CNTNAP5: variants seen among roughly 807,000 people sequenced by gnomAD.
CNTNAP5 encodes the protein contactin-associated protein-like 5.
A neutral mutation model predicts 150.2 loss-of-function variants in CNTNAP5; 72 were observed. The observed-to-expected ratio is 0.48, with a 90% CI of 0.40 to 0.58. CNTNAP5 has a LOEUF of 0.58. Ranked by LOEUF, CNTNAP5 falls within the 20% of genes least tolerant of loss-of-function variation. The pLI is 0.00. For synonymous variants in CNTNAP5, 672 were observed against 619.8 expected, an observed-to-expected ratio of 1.08 and a Z score of -1.25; for missense variants, 1,636 against 1,626.2, an observed-to-expected ratio of 1.01 and a Z score of -0.10.
At chr2:124,570,701 C>T (rs755639090) in intron 11 of CNTNAP5, among the ~76,000 whole-genome samples, 10 of 151,986 alleles carry the variant, frequency 6.6e-5, no homozygotes, top group Non-Finnish European at 1.2e-4. Flanking sequence ...ATGCAATTTG[C>T]AATTTTGTGG....
chr2:124,865,483 T>G, intron 20 of CNTNAP5, 47 bp downstream of exon 20: 1 of 1,533,258 alleles, frequency 6.5e-7, no homozygotes, highest in South Asian at 1.2e-5. Context: ...CCTTGGCTAC[T>G]CTATCAAACT....
At chr2:124,416,229 G>A (rs907551760) in intron 3 of CNTNAP5, among the ~76,000 whole-genome samples, 22 of 152,268 alleles carry the variant, frequency 1.4e-4, no homozygotes, top group Non-Finnish European at 2.5e-4. Context: ...GGGAAGGTAA[G>A]AGAGAATTGA....
At chr2:124,225,363 G>A (rs1187433892) in intron 2 of CNTNAP5, among the ~76,000 whole-genome samples, 1 of 152,124 alleles carries the variant, frequency 6.6e-6, no homozygotes, top group Non-Finnish European at 1.5e-5. Flanking sequence ...AATCTGTGTA[G>A]TGCTATTGGC....
chr2:124,504,203 A>G, intron 7 of CNTNAP5, 89 bp from the exon 8 acceptor site: 1 of 1,297,892 alleles, frequency 7.7e-7, no homozygotes, highest in Non-Finnish European at 1.1e-6. Flanking sequence ...TCCTGAAATT[A>G]AGGTCAGCTC....
At chr2:124,669,983 T>C (rs1678776368) in intron 13 of CNTNAP5, among the ~76,000 whole-genome samples, 1 of 152,162 alleles carries the variant, frequency 6.6e-6, no homozygotes, top group African/African-American at 2.4e-5. Flanking sequence ...TCCTCCTGAC[T>C]TCAGTGATCC....
intron 4 of CNTNAP5, among the ~76,000 whole-genome samples, chr2:124,424,951 G>A (rs1692204331): frequency 6.6e-6 from 1 of 152,170 alleles, no homozygotes; most frequent in Admixed American, 6.5e-5. Context: ...TATGTGATTT[G>A]ACTGGCGATA....
At chr2:124,247,006 CT>C (rs1687046067) in intron 3 of CNTNAP5, among the ~76,000 whole-genome samples, 1 of 152,092 alleles carries the variant, frequency 6.6e-6, no homozygotes. Context: ...ACATGAAGGA[CT>C]TGCATTTGTT....
intron 1 of CNTNAP5, 63 bp from the exon 2 acceptor site, chr2:124,221,642 C>A: frequency 9.4e-7 from 1 of 1,068,680 alleles, no homozygotes; most frequent in South Asian, 1.4e-5. Flanking sequence ...AACTTCTCTT[C>A]TTATGGAATG....
At chr2:124,588,183 T>C (rs1397750626) in intron 11 of CNTNAP5, among the ~76,000 whole-genome samples, 1 of 96,152 alleles carries the variant, frequency 1.0e-5, no homozygotes, top group African/African-American at 3.5e-5. Context: ...CTTCCTTCTT[T>C]CTTTCTTTCT....
chr2:124,629,945 A>AAAAAAAC (rs1228482427), intron 12 of CNTNAP5, among the ~76,000 whole-genome samples: 12 of 149,898 alleles, frequency 8.0e-5, no homozygotes, highest in Non-Finnish European at 1.6e-4. Flanking sequence ...GCAAAAAAAA[A>AAAAAAAC]AAAAAAAAAA....
intron 13 of CNTNAP5, among the ~76,000 whole-genome samples, chr2:124,724,532 T>C (rs1464406283): frequency 1.3e-5 from 2 of 152,160 alleles, no homozygotes; most frequent in Non-Finnish European, 2.9e-5. Context: ...TCTGATAGCC[T>C]ATGCTCAAAT....
chr2:124,128,077 A>C (rs1006743333), intron 1 of CNTNAP5, among the ~76,000 whole-genome samples: 1 of 152,208 alleles, frequency 6.6e-6, no homozygotes, highest in African/African-American at 2.4e-5. Context: ...AATTAAACTA[A>C]AGAGCTTCTG....
chr2:124,622,628 G>A (rs528285461), intron 12 of CNTNAP5, among the ~76,000 whole-genome samples: 119 of 151,836 alleles, frequency 7.8e-4, no homozygotes, highest in Admixed American at 1.7e-3. Flanking sequence ...TGTCATCAGC[G>A]TCTGTTGTTT....
intron 8 of CNTNAP5, among the ~76,000 whole-genome samples, chr2:124,514,318 A>T (rs1246705309): frequency 6.6e-6 from 1 of 152,234 alleles, no homozygotes; most frequent in African/African-American, 2.4e-5. Context: ...CAATGGAGAC[A>T]TTGTATTTCT....
chr2:124,571,538 T>TCTCTTTGTTTTC (rs1464687282), intron 11 of CNTNAP5, among the ~76,000 whole-genome samples: 2 of 100,272 alleles, frequency 2.0e-5, no homozygotes, highest in African/African-American at 7.8e-5. Context: ...TTTTTTTTTT[T>TCTCTTTGTTTTC]TTTTTTTTTT....
chr2:124,920,036 C>A lies in CNTNAP5; in HGVS notation c.*5748C>A, dbSNP rs1172218668. Among the ~76,000 whole-genome samples, 1 of 152,038 alleles carries A rather than the reference C, an allele frequency of 6.6e-6. No homozygotes were observed. Among genetic ancestry groups the A allele is most frequent in the Non-Finnish European group, 1.5e-5 (1 of 68,012 alleles). On this transcript the variant is annotated 3_prime_UTR_variant, in exon 24 of 24. Transcript: ENST00000682447. ...AGTGTCCCAGCCCTGACAACGAGTACCGCCAGGGACCTACCATCTAACACC... is the reference window on the plus strand; with the variant it reads ...AGTGTCCCAGCCCTGACAACGAGTAACGCCAGGGACCTACCATCTAACACC...
At chr2:124,147,742 T>A (rs577840555) in intron 1 of CNTNAP5, among the ~76,000 whole-genome samples, 1 of 152,290 alleles carries the variant, frequency 6.6e-6, no homozygotes, top group South Asian at 2.1e-4. Flanking sequence ...GCAAGTGGCC[T>A]GGGCGGCTTC....
At chr2:124,481,133 A>G (rs1693755398) in intron 7 of CNTNAP5, among the ~76,000 whole-genome samples, 1 of 152,138 alleles carries the variant, frequency 6.6e-6, no homozygotes, top group Admixed American at 6.5e-5. Context: ...GCTCCCTTCC[A>G]GGTTTTAGAC....
intron 19 of CNTNAP5, among the ~76,000 whole-genome samples, chr2:124,841,860 G>A (rs775857410): frequency 6.6e-6 from 1 of 152,016 alleles, no homozygotes; most frequent in Non-Finnish European, 1.5e-5. Flanking sequence ...ACTGTCAGTG[G>A]CATTTCAACC....
Sources: allele counts gnomAD v4.1 joint callset (sites outside exome capture counted in the v4.1 genomes callset), GRCh38; gene constraint gnomAD v4.1.1; transcripts MANE v1.5; gene names NCBI Gene and HGNC (gene_info 2026-07-23, HGNC 2026-07-21).